CATSPER1: variants seen among roughly 807,000 people sequenced by gnomAD.
The protein encoded by CATSPER1 is cation channel sperm associated 1.
Under a neutral mutation model 72.7 loss-of-function variants are expected in CATSPER1, and 57 were observed. The observed-to-expected ratio is 0.78, with a 90% CI of 0.63 to 0.98. The LOEUF (loss-of-function observed/expected upper bound fraction) is 0.98, where lower values mean the gene tolerates loss of function less well. Among genes scored for constraint, CATSPER1 ranks in the 50% least tolerant of loss-of-function variants. CATSPER1 has a pLI of 0.00. For synonymous variants in CATSPER1, 363 were observed against 403.0 expected (o/e 0.90, Z 1.19); for missense variants, 910 against 1,033.9 (o/e 0.88, Z 1.64).
Position 66,024,321 on chromosome 11 carries a change from C to T in CATSPER1, c.1216+843G>A, listed in dbSNP as rs1225254629. Reference sequence around the variant, plus strand: ...CCTACGGAGTCTTGCACTGTCACCCCGGCCGGAGTGCAGTGGCACGATCTC... The same window carrying T: ...CCTACGGAGTCTTGCACTGTCACCCTGGCCGGAGTGCAGTGGCACGATCTC... On this transcript the variant is annotated intron_variant, in intron 1 of 11. Coordinates refer to ENST00000312106, the MANE Select transcript of CATSPER1 (RefSeq NM_053054.4). Among the ~76,000 whole-genome samples, 4 of 147,290 alleles carry T rather than the reference C, an allele frequency of 2.7e-5. 1 individual carries two copies. Among genetic ancestry groups the T allele is most frequent in the African/African-American group, 7.6e-5 (3 of 39,436 alleles).
chr11:66,020,190 C>CG lies in CATSPER1; in HGVS notation c.2074dup (p.Arg692ProfsTer25). On this transcript the variant is annotated frameshift_variant, in exon 9 of 12. Coordinates refer to ENST00000312106, the MANE Select transcript of CATSPER1 (RefSeq NM_053054.4). LOFTEE classifies it high-confidence loss of function. This position sits in a 1 kb window ranked among gnomAD's most constrained non-coding sequence, Gnocchi z 4.5. The stretch of plus-strand genomic sequence containing the variant: ...GTCTTCCAGCAGCTTCTCTTGGATC[C>CG]GGGCGGCCCTCTGGGAAGAAGAGGC... 6.2e-7 allele frequency: 1 copy of CG among 1,613,746 alleles called. No individual in the cohort carries two copies.
chr11:66,022,914 A>T lies in CATSPER1; in HGVS notation c.1364T>A (p.Phe455Tyr). 1 of 1,614,210 alleles carries T rather than the reference A, an allele frequency of 6.2e-7. No individual in the cohort carries two copies. Among genetic ancestry groups the T allele is most frequent in the Non-Finnish European group, 8.5e-7 (1 of 1,180,026 alleles). ...CATGACGGTGTTGAGGCAGACAACGAAGAAGATGAAAGTTTCAAAGGCCAA... is the reference window on the plus strand; with the variant it reads ...CATGACGGTGTTGAGGCAGACAACGTAGAAGATGAAAGTTTCAAAGGCCAA... ...QSLAFETFIF[F>Y]VVCLNTVMLV... The change falls in exon 2 of 12, where the codon TTC becomes TAC. Residue 455 changes from phenylalanine (F) to tyrosine (Y), a missense_variant. Physicochemically the swap from Phe to Tyr is conservative, Grantham distance 22. Coordinates refer to ENST00000312106, the MANE Select transcript of CATSPER1 (RefSeq NM_053054.4).
Position 66,021,584 on chromosome 11 carries a change from CGAA to C in CATSPER1, c.1600_1602del (p.Phe534del). ...CGGAAGAGGCTTTGGTGGTAGATGGCGAAGGAGTGGGTCTGCATCAGCAAGAAG... is the reference window on the plus strand; with the variant it reads ...CGGAAGAGGCTTTGGTGGTAGATGGCGGAGTGGGTCTGCATCAGCAAGAAG... On this transcript the variant is annotated inframe_deletion, in exon 4 of 12. Transcript: ENST00000312106. The C allele has an allele frequency of 6.2e-7, 1 of 1,612,566 alleles. No homozygotes were observed. The highest frequency in any genetic ancestry group is 1.7e-4 in the Middle Eastern group (1 of 6,060).
rs777314874 is a variant in CATSPER1 at position 66,020,652 on chromosome 11, C to A, written c.1928-25G>T. On this transcript the variant is annotated intron_variant, in intron 6 of 11. Transcript: ENST00000312106. The surrounding 1 kb of genome is among the most constrained non-coding windows in gnomAD (Gnocchi z 4.5). The stretch of plus-strand genomic sequence containing the variant: ...CCTAGGGGGAGCAGGCCAGAGGGCA[C>A]AGTCAGGCTGTGCTCGCCACCCCCA... The A allele has an allele frequency of 6.2e-7, 1 of 1,607,918 alleles. No individual in the cohort carries two copies. Among genetic ancestry groups the A allele is most frequent in the Admixed American group, 1.7e-5 (1 of 59,650 alleles).
At chr11:66,024,382 A>G (rs1369843252) in intron 1 of CATSPER1, among the ~76,000 whole-genome samples, 1 of 146,840 alleles carries the variant, frequency 6.8e-6, no homozygotes, top group Non-Finnish European at 1.5e-5. Flanking sequence ...GGTTCAAGCG[A>G]TTCTCCTGCC....
chr11:66,021,309 C>T (rs1856363122), intron 4 of CATSPER1, 124 bp from the exon 5 acceptor site: 2 of 1,214,284 alleles, frequency 1.6e-6, no homozygotes, highest in Non-Finnish European at 2.3e-6. Context: ...TGGGTGAGTC[C>T]TGGCCCCTCT....
At position 66,025,446 on chromosome 11, in the gene CATSPER1, T is replaced by C. The variant is rs1379301807; in HGVS notation, c.934A>G (p.Ser312Gly). Reference sequence around the variant, plus strand: ...TGGACGTAGTCGCCATGGAGGTAACTGGAATGATACGCGCCGTGGTGGTCT... The same window carrying C: ...TGGACGTAGTCGCCATGGAGGTAACCGGAATGATACGCGCCGTGGTGGTCT... Reference protein sequence around the residue: ...HQDHHGAYHSSYLHGDYVQST... With the variant: ...HQDHHGAYHSGYLHGDYVQST... Residue 312 changes from serine to glycine, a missense_variant, in exon 1 of 12, where the codon AGT becomes GGT. By Grantham distance (56) the Ser-to-Gly change is moderately conservative. Coordinates refer to ENST00000312106, the MANE Select transcript of CATSPER1 (RefSeq NM_053054.4). 1.2e-6 allele frequency: 2 copies of C among 1,612,580 alleles called. No homozygotes were observed. The highest frequency in any genetic ancestry group is 2.7e-5 in the African/African-American group (2 of 74,508).
rs770844848 is a variant in CATSPER1, at chr11:66,020,769, C to T, written c.1927+42G>A. 12 of 1,612,886 alleles carry T rather than the reference C, an allele frequency of 7.4e-6. No individual in the cohort carries two copies. Among genetic ancestry groups the T allele is most frequent in the East Asian group, 2.2e-5 (1 of 44,862 alleles). Reference sequence around the variant, plus strand: ...TCACTGAGCCCTGGCCGGTCCACCCCGCCAATCCCCGGCCCTCCCTGCAGC... The same window carrying T: ...TCACTGAGCCCTGGCCGGTCCACCCTGCCAATCCCCGGCCCTCCCTGCAGC... On this transcript the variant is annotated intron_variant, in intron 6 of 11. Coordinates refer to ENST00000312106, the MANE Select transcript of CATSPER1 (RefSeq NM_053054.4). The surrounding 1 kb of genome is among the most constrained non-coding windows in gnomAD (Gnocchi z 4.5).
In CATSPER1 at chr11:66,025,732, G is replaced by A. The variant is rs1163646635; in HGVS notation, c.648C>T (p.Gly216=). 1 of 1,613,942 alleles carries A rather than the reference G, an allele frequency of 6.2e-7. No homozygotes were observed. Among genetic ancestry groups the A allele is most frequent in the South Asian group, 1.1e-5 (1 of 91,054 alleles). Residue 216 remains glycine, a synonymous_variant, in exon 1 of 12, where the codon GGC becomes GGT. Coordinates refer to ENST00000312106, the MANE Select transcript of CATSPER1 (RefSeq NM_053054.4). ...GGTGGACTTGGTGATGGTGGGGCCA[G>A]CCACGGTGGGGGACTTGGTGATGCT... ...ESQHHQVPHR[G]WPHHHQVHHH... is the part of the protein sequence containing the mutation.
chr11:66,021,671 C>A, intron 3 of CATSPER1, 28 bp from the exon 4 acceptor site: 1 of 1,606,570 alleles, frequency 6.2e-7, no homozygotes, highest in Non-Finnish European at 8.5e-7. Flanking sequence ...CTGAGCCTGG[C>A]GGGCTCCCAA....
chr11:66,019,918 CAAAAAAAAA>C (rs60681273), intron 9 of CATSPER1, among the ~76,000 whole-genome samples: 1 of 62,692 alleles, frequency 1.6e-5, no homozygotes, highest in African/African-American at 6.3e-5. Flanking sequence ...GACTCCATCT[CAAAAAAAAA>C]AAAAAAAAAA....
rs753646396 is a variant in CATSPER1 at position 66,026,164 on chromosome 11, G to A, written c.216C>T (p.Ser72=). Residue 72 remains serine, a synonymous_variant, in exon 1 of 12, where the codon TCC becomes TCT. Transcript: ENST00000312106. ...GGTGGTGAGATTGGTGGACATGGGA[G>A]GACAAGGCTTGGTCGTGGAAGTCTT... ...EFQDFHDQAL[S]SHVHQSHHHS... The A allele has an allele frequency of 3.7e-6, 6 of 1,605,902 alleles. No homozygotes were observed. The highest frequency in any genetic ancestry group is 5.1e-6 in the Non-Finnish European group (6 of 1,173,318).
In CATSPER1 at chr11:66,017,091, A is replaced by G. The variant is rs200011892; in HGVS notation, c.2285T>C (p.Val762Ala). The change falls in exon 11 of 12, where the codon GTC (valine) becomes GCC (alanine). Residue 762 changes from valine to alanine, a missense_variant. By Grantham distance (64) the Val-to-Ala change is moderately conservative. Transcript: ENST00000312106. ...EQQKFRSQAA[V>A]IDEIVDTTFE... is the part of the protein sequence containing the mutation. ...TGTGGTGTCCACAATCTCATCGATGACGGCTGCCTGGGAGCGGAACTTCTG... is the reference window on the plus strand; with the variant it reads ...TGTGGTGTCCACAATCTCATCGATGGCGGCTGCCTGGGAGCGGAACTTCTG... 1.2e-6 allele frequency: 2 copies of G among 1,607,168 alleles called. No homozygotes were observed. Among genetic ancestry groups the G allele is most frequent in the East Asian group, 2.3e-5 (1 of 44,358 alleles).
Position 66,026,376 on chromosome 11 carries a change from C to A in CATSPER1, c.4G>T (p.Asp2Tyr), listed in dbSNP as rs952128035. The A allele has an allele frequency of 6.2e-7, 1 of 1,612,494 alleles. No homozygotes were observed. Among genetic ancestry groups the A allele is most frequent in the Non-Finnish European group, 8.5e-7 (1 of 1,179,758 alleles). Residue 2 changes from aspartate to tyrosine, a missense_variant, in exon 1 of 12, where the codon GAT (aspartate) becomes TAT (tyrosine). Physicochemically the swap from Asp to Tyr is radical, Grantham distance 160. Coordinates refer to ENST00000312106, the MANE Select transcript of CATSPER1 (RefSeq NM_053054.4). ...GCCTTTTCAGGCACTGAGTTTTGAT[C>A]CATGACTGTGCTGGGAACTCTGGAG... Reference protein sequence around the residue: MDQNSVPEKAQN... With the variant: MYQNSVPEKAQN...
intron 1 of CATSPER1, among the ~76,000 whole-genome samples, chr11:66,023,872 G>A (rs918703768): frequency 6.6e-6 from 1 of 151,728 alleles, no homozygotes; most frequent in Non-Finnish European, 1.5e-5. Flanking sequence ...CTGATGAAAT[G>A]TTCCCTCCTC....
At chr11:66,022,750 G>T in intron 2 of CATSPER1, 99 bp downstream of exon 2, 1 of 1,120,136 alleles carries the variant, frequency 8.9e-7, no homozygotes, top group Non-Finnish European at 1.4e-6. Context: ...GATCAAGTGA[G>T]CTGAGTCCTA....
chr11:66,024,279 T>G (rs1235826633), intron 1 of CATSPER1, among the ~76,000 whole-genome samples: 1 of 132,764 alleles, frequency 7.5e-6, no homozygotes, highest in African/African-American at 3.9e-5. Context: ...TTGTTTTTTT[T>G]TTTTTTTTTT....
Position 66,020,547 on chromosome 11 carries a change from C to A in CATSPER1, c.1991+17G>T. 1 of 1,608,670 alleles carries A rather than the reference C, an allele frequency of 6.2e-7. No individual in the cohort carries two copies. The highest frequency in any genetic ancestry group is 1.1e-5 in the South Asian group (1 of 90,664). On this transcript the variant is annotated intron_variant, in intron 7 of 11. Coordinates refer to ENST00000312106, the MANE Select transcript of CATSPER1 (RefSeq NM_053054.4). This position sits in a 1 kb window ranked among gnomAD's most constrained non-coding sequence, Gnocchi z 4.5. ...GTGTGGGTGGTGCTGGGCAGCAGAGCAGGGGTGAGTCCTCACTTGAGGAAG... is the reference window on the plus strand; with the variant it reads ...GTGTGGGTGGTGCTGGGCAGCAGAGAAGGGGTGAGTCCTCACTTGAGGAAG...
chr11:66,017,194 T>TGGGGGGGGGGGGGGCCC lies in CATSPER1; in HGVS notation c.2202-21_2202-20insGGGCCCCCCCCCCCCCC. ...TGCTGCCTGCGGGTGGGCGGGGGGG[T>TGGGGGGGGGGGGGGCCC]CGCAGAGACAGGGGCTGGGCTGACC... On this transcript the variant is annotated intron_variant, in intron 10 of 11. Coordinates refer to ENST00000312106, the MANE Select transcript of CATSPER1 (RefSeq NM_053054.4). 1 of 550,276 alleles carries TGGGGGGGGGGGGGGCCC rather than the reference T, an allele frequency of 1.8e-6. No individual in the cohort carries two copies. The highest frequency in any genetic ancestry group is 3.4e-6 in the Non-Finnish European group (1 of 295,848). The allele number at this position is 550,276 out of a possible 1,614,324, so 34.1% of individuals were successfully genotyped here.
Sources: allele counts gnomAD v4.1 joint callset (sites outside exome capture counted in the v4.1 genomes callset), GRCh38; gene constraint gnomAD v4.1.1; non-coding constraint Gnocchi (gnomAD v3.1); transcripts MANE v1.5; gene names NCBI Gene and HGNC (gene_info 2026-07-23, HGNC 2026-07-21).